The following NKTR variants were observed in gnomAD, a reference collection of about 807,000 sequenced individuals.
NKTR encodes NK-tumor recognition protein.
A neutral mutation model predicts 156.3 loss-of-function variants in NKTR; 67 were observed. The observed-to-expected ratio is 0.43, with a 90% CI of 0.35 to 0.53. The LOEUF (loss-of-function observed/expected upper bound fraction) is 0.53, where lower values mean the gene tolerates loss of function less well. Among genes scored for constraint, NKTR ranks in the 20% least tolerant of loss-of-function variants. The pLI is 0.01. For missense variants in NKTR, 1,604 were observed against 1,730.9 expected, an observed-to-expected ratio of 0.93 and a Z score of 1.30; for synonymous variants, 640 against 596.6, an observed-to-expected ratio of 1.07 and a Z score of -1.06.
At position 42,639,018 on chromosome 3, in the gene NKTR, T is replaced by C. The variant is rs1240848907; in HGVS notation, c.3314T>C (p.Leu1105Ser). 1.9e-6 allele frequency: 3 copies of C among 1,613,838 alleles called. No individual in the cohort carries two copies. The highest frequency in any genetic ancestry group is 8.5e-7 in the Non-Finnish European group (1 of 1,179,912). Reference protein sequence around the residue: ...ALNTEENVACLQNIQHVEESV... With the variant: ...ALNTEENVACSQNIQHVEESV... ...AATACTGAGGAAAATGTGGCCTGTT[T>C]ACAAAACATTCAGCACGTTGAAGAA... The change falls in exon 13 of 17, where the codon TTA becomes TCA. Residue 1105 changes from leucine (L) to serine (S), a missense_variant. Transcript: ENST00000232978.
intron 4 of NKTR, 56 bp downstream of exon 4, chr3:42,619,183 C>T: frequency 6.4e-7 from 1 of 1,568,336 alleles, no homozygotes; most frequent in Non-Finnish European, 8.6e-7. Flanking sequence ...TAAAGTATTT[C>T]ATTATTACTT....
At chr3:42,630,124 C>T (rs1708755130) in intron 6 of NKTR, 1 of 991,928 alleles carries the variant, frequency 1.0e-6, no homozygotes, top group Non-Finnish European at 1.2e-6. Flanking sequence ...ATGTTAATCA[C>T]TTTCTTTCCA....
intron 16 of NKTR, among the ~76,000 whole-genome samples, chr3:42,644,585 T>C (rs1710197319): frequency 6.6e-6 from 1 of 152,220 alleles, no homozygotes; most frequent in Non-Finnish European, 1.5e-5. Context: ...AATATCAGTC[T>C]GATCTGGATA....
rs370329851 is a variant in NKTR, at chr3:42,635,374, C to T, written c.1163+8C>T. The T allele has an allele frequency of 6.2e-7, 1 of 1,601,106 alleles. No individual in the cohort carries two copies. The highest frequency in any genetic ancestry group is 2.2e-5 in the East Asian group (1 of 44,490). On this transcript the variant is annotated splice_region_variant and intron_variant, in intron 12 of 16. Transcript: ENST00000232978. Reference sequence around the variant, plus strand: ...ATGGAGTAAAGGAGATAAGTAAGAACTTTGAGTATAAGCACAATCCTGTGT... The same window carrying T: ...ATGGAGTAAAGGAGATAAGTAAGAATTTTGAGTATAAGCACAATCCTGTGT...
At chr3:42,623,708 C>G (rs375233062) in intron 6 of NKTR, 1 of 152,112 alleles carries the variant, frequency 6.6e-6, no homozygotes, top group Non-Finnish European at 1.5e-5. Flanking sequence ...CAGATAATAG[C>G]TCTGATGGTC....
At chr3:42,643,509 C>T in intron 15 of NKTR, 114 bp downstream of exon 15, 1 of 847,316 alleles carries the variant, frequency 1.2e-6, no homozygotes, top group Non-Finnish European at 1.9e-6. Context: ...TATTTGTCTC[C>T]TGAAACCATA....
At position 42,635,240 on chromosome 3, in the gene NKTR, G is replaced by A. The variant is rs1396461188; in HGVS notation, c.1037G>A (p.Arg346Lys). ...TTAAAGCGCTATCACACACCTCCAA[G>A]ATCAAGATCCTGTTCTGAGTCAGAT... ...RGTIRYHTPP[R>K]SRSCSESDDD... is the part of the protein sequence containing the mutation. The change falls in exon 12 of 17, where the codon AGA becomes AAA. Residue 346 changes from arginine (R) to lysine (K), a missense_variant. Transcript: ENST00000232978. 1.2e-6 allele frequency: 2 copies of A among 1,611,940 alleles called. No individual in the cohort carries two copies. The highest frequency in any genetic ancestry group is 1.7e-6 in the Non-Finnish European group (2 of 1,179,432).
intron 16 of NKTR, among the ~76,000 whole-genome samples, chr3:42,644,309 T>G (rs979302990): frequency 2.0e-5 from 3 of 152,186 alleles, no homozygotes; most frequent in Non-Finnish European, 4.4e-5. Context: ...CATGGCCACT[T>G]GCTTAAATAG....
intron 6 of NKTR, 159 bp from the exon 7 acceptor site, chr3:42,630,387 T>C (rs1708780172): frequency 7.0e-7 from 1 of 1,435,986 alleles, no homozygotes; most frequent in Non-Finnish European, 9.1e-7. Context: ...ATTGCTGTTT[T>C]GGGGTTTTTA....
At position 42,632,749 on chromosome 3, in the gene NKTR, A is replaced by G. The variant is rs767308353; in HGVS notation, c.699A>G (p.Lys233=). ...RRKHKRRPKV[K]RSKKRRKEAS... is the part of the protein sequence containing the mutation. ...AACATAAGAGGAGGCCAAAAGTTAAACGTTCTAAAAAGAGGCGAAAGGAAG... is the reference window on the plus strand; with the variant it reads ...AACATAAGAGGAGGCCAAAAGTTAAGCGTTCTAAAAAGAGGCGAAAGGAAG... Residue 233 remains lysine (K), a synonymous_variant, in exon 9 of 17, where the codon AAA becomes AAG. Coordinates refer to ENST00000232978, the MANE Select transcript of NKTR (RefSeq NM_005385.4). 1.2e-6 allele frequency: 2 copies of G among 1,612,870 alleles called. No homozygotes were observed. Among genetic ancestry groups the G allele is most frequent in the South Asian group, 1.1e-5 (1 of 90,542 alleles).
chr3:42,610,872 GAATT>G (rs1466521691), intron 2 of NKTR, among the ~76,000 whole-genome samples: 1 of 152,128 alleles, frequency 6.6e-6, no homozygotes, highest in African/African-American at 2.4e-5. Flanking sequence ...TATATCTAAA[GAATT>G]AATAGCAGCA....
chr3:42,600,686 G>A lies in NKTR; in HGVS notation c.-116G>A, dbSNP rs1577388451. On this transcript the variant is annotated 5_prime_UTR_variant, in exon 1 of 17. Transcript: ENST00000232978. ...TTGGGAGGCCCGGCCTGGGGGAGGA[G>A]ACGGCGTTCCGTTAGCGGCGTTGGG... 4.5e-6 allele frequency: 1 copy of A among 219,958 alleles called. No homozygotes were observed. The highest frequency in any genetic ancestry group is 9.8e-5 in the East Asian group (1 of 10,240). The allele number at this position is 219,958 out of a possible 1,614,324, so 13.6% of individuals were successfully genotyped here.
chr3:42,634,483 CTT>C (rs1475238695), intron 10 of NKTR, 128 bp from the exon 11 acceptor site: 3 of 523,352 alleles, frequency 5.7e-6, no homozygotes, highest in South Asian at 3.1e-5. Context: ...CTGATATTGT[CTT>C]GTTTTAAAAA....
At chr3:42,628,678 C>T in intron 6 of NKTR, 1 of 985,352 alleles carries the variant, frequency 1.0e-6, no homozygotes, top group Non-Finnish European at 1.2e-6. Flanking sequence ...TGGGGCTGAT[C>T]CCTTACACTG....
At position 42,645,943 on chromosome 3, in the gene NKTR, C is replaced by T. The variant is rs201167801; in HGVS notation, c.4357C>T (p.Arg1453Trp). 14 of 1,613,178 alleles carry T rather than the reference C, an allele frequency of 8.7e-6. No homozygotes were observed. The highest frequency in any genetic ancestry group is 2.7e-5 in the African/African-American group (2 of 74,842). ...AAGTGACCGAAGTTACTCTCATCAC[C>T]GGAGCCCCAGTGAGAGCAGCAGATA... is the stretch of plus-strand genomic sequence containing the variant. ...SESDRSYSHH[R>W]SPSESSRYS The change falls in exon 17 of 17, where the codon CGG becomes TGG. Residue 1453 changes from arginine (R) to tryptophan (W), a missense_variant. Physicochemically the swap from Arg to Trp is moderately radical, Grantham distance 101. This residue lies in a region of NKTR where 193 missense variants were observed against 220.2 expected (regional missense o/e 0.88). Coordinates refer to ENST00000232978, the MANE Select transcript of NKTR (RefSeq NM_005385.4).
At chr3:42,621,390 A>G (rs1707889696) in intron 5 of NKTR, 39 bp from the exon 6 acceptor site, 4 of 1,582,014 alleles carry the variant, frequency 2.5e-6, no homozygotes, top group Non-Finnish European at 3.4e-6. Flanking sequence ...AAAGTGACTT[A>G]TAATTGGAGA....
chr3:42,633,095 A>G, intron 9 of NKTR: 1 of 897,378 alleles, frequency 1.1e-6, no homozygotes, highest in Non-Finnish European at 1.4e-6. Context: ...GCTGGAATAC[A>G]GTGGCACAAT....
chr3:42,636,333 G>A (rs1032498146), intron 12 of NKTR, among the ~76,000 whole-genome samples: 1 of 152,176 alleles, frequency 6.6e-6, no homozygotes, highest in African/African-American at 2.4e-5. Flanking sequence ...ATTGTAACCT[G>A]TATCTGTTTT....
intron 2 of NKTR, among the ~76,000 whole-genome samples, chr3:42,614,351 A>G (rs907842637): frequency 7.3e-5 from 11 of 151,676 alleles, no homozygotes; most frequent in African/African-American, 2.4e-4. Flanking sequence ...TAATTTTTTT[A>G]TCTTCAATAT....
Sources: gnomAD v4.1 joint callset for allele counts (sites outside exome capture counted in the v4.1 genomes callset) on GRCh38, gnomAD v4.1.1 for gene constraint, gnomAD v4.1.1 regional missense constraint, MANE v1.5 for transcripts, NCBI Gene and HGNC (gene_info 2026-07-23, HGNC 2026-07-21) for gene names.